The following MYBL1 variants were observed in gnomAD, a reference collection of about 807,000 sequenced individuals.
The protein encoded by MYBL1 is MYB proto-oncogene like 1, also known as myb-related protein A.
MYBL1 carries 17 observed loss-of-function variants against 96.3 expected under a neutral mutation model. The ratio of observed to expected loss-of-function variants is 0.18; its 90% confidence interval spans 0.12 to 0.26. The LOEUF is 0.26. Ranked by LOEUF, MYBL1 falls within the 10% of genes least tolerant of loss-of-function variation. The pLI is 1.00. For missense variants in MYBL1, 701 were observed against 882.9 expected (o/e 0.79, Z 2.61); for synonymous variants, 282 against 292.7 (o/e 0.96, Z 0.37).
In MYBL1 at chr8:66,572,521, A is replaced by C; in HGVS notation, c.1689T>G (p.Leu563=). ...GTCCATATTTTTTCTCCTGAGCAGC[A>C]AGCGCATTCTTAAAAGGAGTAGGAG... ...PRTPTPFKNA[L]AAQEKKYGPL... Residue 563 remains leucine (L), a synonymous_variant, in exon 12 of 16, where the codon CTT becomes CTG. Coordinates refer to ENST00000522677, the MANE Select transcript of MYBL1 (RefSeq NM_001080416.4). 6.2e-7 allele frequency: 1 copy of C among 1,603,106 alleles called. No individual in the cohort carries two copies. The highest frequency in any genetic ancestry group is 8.5e-7 in the Non-Finnish European group (1 of 1,172,720).
intron 8 of MYBL1, among the ~76,000 whole-genome samples, chr8:66,586,040 G>T (rs1190426961): frequency 2.9e-5 from 4 of 140,106 alleles, no homozygotes; most frequent in South Asian, 2.3e-4. Flanking sequence ...TTGTTTTTTG[G>T]TGTTTTTTTT....
At position 66,566,869 on chromosome 8, in the gene MYBL1, A is replaced by C. The variant is rs1418606166; in HGVS notation, c.1845+7T>G. 1.9e-6 allele frequency: 3 copies of C among 1,600,060 alleles called. No homozygotes were observed. The South Asian group carries it at 3.3e-5, about 18-fold the overall frequency. The stretch of plus-strand genomic sequence containing the variant: ...GACTTTTATTAACAATAATACTAGA[A>C]GATTACCTCTTGTTTGCAGCTTTTG... On this transcript the variant is annotated splice_region_variant and intron_variant, in intron 13 of 15. Coordinates refer to ENST00000522677, the MANE Select transcript of MYBL1 (RefSeq NM_001080416.4).
At chr8:66,605,936 A>C (rs979033558) in intron 1 of MYBL1, among the ~76,000 whole-genome samples, 3 of 152,182 alleles carry the variant, frequency 2.0e-5, no homozygotes, top group African/African-American at 4.8e-5. Context: ...TAGTCTATTA[A>C]ATTTTTCTCT....
chr8:66,591,241 AGAGGCTGAGG>A (rs1001417664), intron 8 of MYBL1, among the ~76,000 whole-genome samples: 10 of 151,988 alleles, frequency 6.6e-5, no homozygotes, highest in African/African-American at 1.4e-4. Flanking sequence ...CCAGCTACTC[AGAGGCTGAGG>A]CAGGAGAATG....
rs1808936337 is a variant in MYBL1 at position 66,576,198 on chromosome 8, T to C, written c.1279A>G (p.Ser427Gly). ...GGGGATGTTAAAGGAACAGCTTCAC[T>C]GTTGCCACCATTACAAGTGTTTTTT... ...GKKNTCNGGN[S>G]EAVPLTSPNI... Residue 427 changes from serine (S) to glycine (G), a missense_variant, in exon 10 of 16, where the codon AGT (serine) becomes GGT (glycine). Ser to Gly is a moderately conservative substitution (Grantham distance 56, BLOSUM62 0). This residue lies in a region of MYBL1 where 396 missense variants were observed against 407.4 expected (regional missense o/e 0.97). Transcript: ENST00000522677. 6.2e-7 allele frequency: 1 copy of C among 1,614,046 alleles called. No homozygotes were observed. Among genetic ancestry groups the C allele is most frequent in the Non-Finnish European group, 8.5e-7 (1 of 1,179,894 alleles).
intron 4 of MYBL1, 58 bp from the exon 5 acceptor site, chr8:66,597,608 T>C: frequency 9.5e-7 from 1 of 1,052,628 alleles, no homozygotes; most frequent in South Asian, 1.6e-5. Context: ...TTTTAAAACA[T>C]AATTCAAGAA....
intron 8 of MYBL1, among the ~76,000 whole-genome samples, chr8:66,587,431 A>C (rs1809464955): frequency 6.6e-6 from 1 of 152,046 alleles, no homozygotes; most frequent in African/African-American, 2.4e-5. Context: ...GTAGGTTCCC[A>C]CTGCAGAGTA....
chr8:66,593,049 T>A (rs981439583), intron 7 of MYBL1, 71 bp downstream of exon 7: 7 of 919,382 alleles, frequency 7.6e-6, no homozygotes, highest in Admixed American at 2.4e-5. Flanking sequence ...GATGAGGAAA[T>A]AGATACTATT....
Position 66,612,830 on chromosome 8 carries a change from C to G in MYBL1, c.9G>C (p.Lys3Asn). The change falls in exon 1 of 16, where the codon AAG becomes AAC. Residue 3 changes from lysine to asparagine, a missense_variant. Coordinates refer to ENST00000522677, the MANE Select transcript of MYBL1 (RefSeq NM_001080416.4). MA[K>N]RSRSEDEDDD... ...GGGGTGCCACCCACCTGCGCGACCTCTTCGCCATCCTTCAAGTACCGCATA... is the reference window on the plus strand; with the variant it reads ...GGGGTGCCACCCACCTGCGCGACCTGTTCGCCATCCTTCAAGTACCGCATA... 1 of 1,372,352 alleles carries G rather than the reference C, an allele frequency of 7.3e-7. No homozygotes were observed. The highest frequency in any genetic ancestry group is 9.5e-7 in the Non-Finnish European group (1 of 1,053,884). The allele number at this position is 1,372,352 out of a possible 1,614,324, so 85.0% of individuals were successfully genotyped here. A position where few individuals can be genotyped will look rare whatever the true frequency, so the allele number is the denominator to read the frequency against.
intron 8 of MYBL1, among the ~76,000 whole-genome samples, chr8:66,589,395 C>T (rs1809548529): frequency 6.6e-6 from 1 of 151,954 alleles, no homozygotes; most frequent in South Asian, 2.1e-4. Context: ...TCACCGCAGC[C>T]TCAAACCCCT....
In MYBL1 at chr8:66,562,320, T is replaced by C. The variant is rs954726176; in HGVS notation, c.*2377A>G. 1 of 152,634 alleles carries C rather than the reference T, an allele frequency of 6.6e-6. No individual in the cohort carries two copies. The highest frequency in any genetic ancestry group is 1.5e-5 in the Non-Finnish European group (1 of 68,048). The allele number at this position is 152,634 out of a possible 1,614,324, so 9.5% of individuals were successfully genotyped here. On this transcript the variant is annotated 3_prime_UTR_variant, in exon 16 of 16. Transcript: ENST00000522677. ...TTAATGTGAAAACCTTACAATAAAATGCAGTATTATGTATGTGTAGTCAGT... is the reference window on the plus strand; with the variant it reads ...TTAATGTGAAAACCTTACAATAAAACGCAGTATTATGTATGTGTAGTCAGT...
At chr8:66,567,526 A>AGAGT (rs1554575380) in intron 12 of MYBL1, among the ~76,000 whole-genome samples, 2,209 of 146,898 alleles carry the variant, frequency 0.015, 62 homozygotes, top group African/African-American at 0.052. Context: ...AGAGAGAGTG[A>AGAGT]GTGTGTGTGT....
chr8:66,604,618 AAAG>A (rs1254268688), intron 1 of MYBL1, among the ~76,000 whole-genome samples: 1 of 152,212 alleles, frequency 6.6e-6, no homozygotes, highest in South Asian at 2.1e-4. Context: ...AGAAAACAGA[AAAG>A]AAGTCTACTT....
intron 4 of MYBL1, among the ~76,000 whole-genome samples, chr8:66,598,452 A>G (rs1349057933): frequency 1.3e-5 from 2 of 152,230 alleles, no homozygotes; most frequent in Non-Finnish European, 2.9e-5. Context: ...TGTTTTGAGC[A>G]GGAGTAAGGA....
rs527887940 is a variant in MYBL1, at chr8:66,601,211, A to G, written c.198+487T>C. On this transcript the variant is annotated intron_variant, in intron 3 of 15. Transcript: ENST00000522677. Reference sequence around the variant, plus strand: ...AAAAAAAAAAAAAAAAAAAGAGTACATGTGAAAATACTTCATAAATTATAA... The same window carrying G: ...AAAAAAAAAAAAAAAAAAAGAGTACGTGTGAAAATACTTCATAAATTATAA... 2.0e-5 allele frequency among the ~76,000 whole-genome samples: 3 copies of G among 150,082 alleles called. No individual in the cohort carries two copies. In the South Asian group the frequency reaches 6.3e-4, roughly 31 times the overall value.
intron 1 of MYBL1, among the ~76,000 whole-genome samples, chr8:66,608,803 T>A (rs1810419959): frequency 6.6e-6 from 1 of 152,130 alleles, no homozygotes; most frequent in African/African-American, 2.4e-5. Flanking sequence ...AAACCATTCC[T>A]AGCCTAGTGT....
chr8:66,609,482 T>C (rs952351225), intron 1 of MYBL1, among the ~76,000 whole-genome samples: 2 of 151,954 alleles, frequency 1.3e-5, no homozygotes, highest in African/African-American at 4.8e-5. Flanking sequence ...ATATTCAAGG[T>C]ATGAAAATTT....
At chr8:66,584,932 AG>A (rs1809353687) in intron 8 of MYBL1, among the ~76,000 whole-genome samples, 1 of 152,206 alleles carries the variant, frequency 6.6e-6, no homozygotes. Context: ...AAGAATTAGA[AG>A]AATTAATATT....
In MYBL1 at chr8:66,613,077, G is replaced by A. The variant is rs574464764; in HGVS notation, c.-239C>T. On this transcript the variant is annotated 5_prime_UTR_variant, in exon 1 of 16. Coordinates refer to ENST00000522677, the MANE Select transcript of MYBL1 (RefSeq NM_001080416.4). ...TTAGCCCCGGCCCGGCCCGGCCAGG[G>A]ATACCCCCAACATGTCAGGAGGCGC... 3.4e-5 allele frequency: 14 copies of A among 414,424 alleles called. No homozygotes were observed. The highest frequency in any genetic ancestry group is 5.0e-5 in the Non-Finnish European group (12 of 237,832). The allele number at this position is 414,424 out of a possible 1,614,324, so 25.7% of individuals were successfully genotyped here.
Sources: gnomAD v4.1 joint callset for allele counts (sites outside exome capture counted in the v4.1 genomes callset) on GRCh38, gnomAD v4.1.1 for gene constraint, gnomAD v4.1.1 regional missense constraint, MANE v1.5 for transcripts, NCBI Gene and HGNC (gene_info 2026-07-23, HGNC 2026-07-21) for gene names.